PTPRD: variants seen among roughly 807,000 people sequenced by gnomAD.
The protein encoded by PTPRD is receptor-type tyrosine-protein phosphatase delta.
In PTPRD, 34 loss-of-function variants were observed where a neutral mutation model predicts 214.5. The observed-to-expected ratio is 0.16, with a 90% CI of 0.12 to 0.21. The LOEUF is 0.21. Ranked by LOEUF, PTPRD falls within the 10% of genes least tolerant of loss-of-function variation. The pLI is 1.00. For synonymous variants in PTPRD, 1,128 were observed against 845.7 expected (o/e 1.33, Z -5.79); for missense variants, 2,545 against 2,398.7 (o/e 1.06, Z -1.27).
intron 11 of PTPRD, among the ~76,000 whole-genome samples, chr9:8,944,668 T>C (rs987583886): frequency 1.3e-5 from 2 of 152,122 alleles, no homozygotes. Context: ...ACATTTTGCA[T>C]GTTCACACTC....
At chr9:9,091,235 A>C in intron 10 of PTPRD, 1 of 1,268,770 alleles carries the variant, frequency 7.9e-7, no homozygotes, top group South Asian at 1.2e-5. Flanking sequence ...CCCCCACCAA[A>C]GCCCATGTAA....
At chr9:8,976,954 C>T (rs997963316) in intron 11 of PTPRD, among the ~76,000 whole-genome samples, 1 of 152,056 alleles carries the variant, frequency 6.6e-6, no homozygotes, top group African/African-American at 2.4e-5. Context: ...CTCCATTTGT[C>T]TGTTGGACAT....
At chr9:9,793,936 A>T (rs924843389) in intron 5 of PTPRD, among the ~76,000 whole-genome samples, 6 of 152,076 alleles carry the variant, frequency 3.9e-5, no homozygotes, top group African/African-American at 1.4e-4. Context: ...CCTAAAATAT[A>T]AGAGTATCAA....
chr9:9,872,862 G>C (rs2065859211), intron 5 of PTPRD, among the ~76,000 whole-genome samples: 1 of 152,040 alleles, frequency 6.6e-6, no homozygotes, highest in African/African-American at 2.4e-5. Flanking sequence ...ATATTAATCA[G>C]CTAAGTAGAA....
chr9:9,494,604 T>C (rs1033388400), intron 8 of PTPRD, among the ~76,000 whole-genome samples: 4 of 152,198 alleles, frequency 2.6e-5, no homozygotes, highest in African/African-American at 9.7e-5. Context: ...AATAAAATAC[T>C]TGGGAATCAA....
At chr9:9,294,362 A>G (rs1053380379) in intron 9 of PTPRD, among the ~76,000 whole-genome samples, 7 of 151,748 alleles carry the variant, frequency 4.6e-5, no homozygotes, top group African/African-American at 1.7e-4. Context: ...TATCTGTATT[A>G]GGCTAATATG....
At chr9:9,287,739 A>G (rs1426175273) in intron 9 of PTPRD, among the ~76,000 whole-genome samples, 1 of 151,920 alleles carries the variant, frequency 6.6e-6, no homozygotes, top group Non-Finnish European at 1.5e-5. Flanking sequence ...GGAGCACAGA[A>G]GATATTTCTG....
At chr9:10,301,447 A>G (rs2095859456) in intron 3 of PTPRD, among the ~76,000 whole-genome samples, 1 of 152,234 alleles carries the variant, frequency 6.6e-6, no homozygotes, top group South Asian at 2.1e-4. Flanking sequence ...TAAGCCTCAG[A>G]AGGTGGGTAA....
At chr9:9,651,743 A>T (rs991512952) in intron 7 of PTPRD, among the ~76,000 whole-genome samples, 5 of 148,370 alleles carry the variant, frequency 3.4e-5, no homozygotes, top group African/African-American at 1.2e-4. Flanking sequence ...ATTTATATTC[A>T]TTGGGTATAT....
At chr9:9,701,861 G>A (rs1448918203) in intron 7 of PTPRD, among the ~76,000 whole-genome samples, 2 of 152,138 alleles carry the variant, frequency 1.3e-5, no homozygotes, top group Non-Finnish European at 2.9e-5. Context: ...GCTCACTCCT[G>A]TAATCCCAGC....
intron 9 of PTPRD, among the ~76,000 whole-genome samples, chr9:9,209,624 G>A (rs979511094): frequency 6.6e-6 from 1 of 152,154 alleles, no homozygotes; most frequent in African/African-American, 2.4e-5. Flanking sequence ...TTTTGTAGAG[G>A]ATGGTTGAAA....
chr9:9,197,356 G>A (rs192906876), intron 9 of PTPRD, among the ~76,000 whole-genome samples: 2 of 152,244 alleles, frequency 1.3e-5, no homozygotes, highest in East Asian at 3.9e-4. Context: ...TTGACTGGTG[G>A]TCGTCTTCAG....
intron 11 of PTPRD, among the ~76,000 whole-genome samples, chr9:8,981,542 C>T (rs2099312815): frequency 6.6e-6 from 1 of 151,982 alleles, no homozygotes; most frequent in Non-Finnish European, 1.5e-5. Context: ...GGCTAGGAAT[C>T]TTTGTGGAGT....
chr9:9,514,396 G>A (rs1477549118), intron 8 of PTPRD, among the ~76,000 whole-genome samples: 2 of 152,084 alleles, frequency 1.3e-5, no homozygotes, highest in African/African-American at 4.8e-5. Context: ...GGAGCTGTGT[G>A]TGTAAAACAC....
At chr9:9,866,363 G>A (rs6477424) in intron 5 of PTPRD, among the ~76,000 whole-genome samples, 12,917 of 152,032 alleles carry the variant, frequency 0.085, 1,308 homozygotes, top group African/African-American at 0.25. Context: ...TTTAAAAAAT[G>A]TTAAGTAAGC....
chr9:10,535,339 A>AT (rs1181054129), intron 2 of PTPRD, among the ~76,000 whole-genome samples: 2 of 152,140 alleles, frequency 1.3e-5, no homozygotes, highest in East Asian at 3.9e-4. Flanking sequence ...TAGAAAATCC[A>AT]TTTTAACAAC....
At position 10,398,784 on chromosome 9, in the gene PTPRD, T is replaced by G. The variant is rs1340413897; in HGVS notation, c.-599-57767A>C. On this transcript the variant is annotated intron_variant, in intron 2 of 45. Transcript: ENST00000381196. ...TTTAATATGGAAGACCTTTTCAAAG[T>G]GCTATCATATAATTATTACAACAAT... Among the ~76,000 whole-genome samples, 6 of 152,070 alleles carry G rather than the reference T, an allele frequency of 3.9e-5. No homozygotes were observed. The East Asian group carries it at 1.2e-3, about 30-fold the overall frequency.
intron 2 of PTPRD, among the ~76,000 whole-genome samples, chr9:10,590,935 G>A (rs1222089118): frequency 6.6e-6 from 1 of 150,928 alleles, no homozygotes; most frequent in Non-Finnish European, 1.5e-5. Flanking sequence ...ATATTACACT[G>A]TATATAGGTT....
chr9:9,930,355 CCA>C (rs1453632339), intron 5 of PTPRD, among the ~76,000 whole-genome samples: 28 of 152,148 alleles, frequency 1.8e-4, no homozygotes, highest in Admixed American at 5.2e-4. Context: ...GACCTGGAAA[CCA>C]CAGTCTATGG....
Sources: allele counts gnomAD v4.1 joint callset (sites outside exome capture counted in the v4.1 genomes callset), GRCh38; gene constraint gnomAD v4.1.1; transcripts MANE v1.5; gene names NCBI Gene and HGNC (gene_info 2026-07-23, HGNC 2026-07-21).